The following NCAPG2 variants were observed in gnomAD, a reference collection of about 807,000 sequenced individuals.
NCAPG2 encodes condensin-2 complex subunit G2.
In NCAPG2, 53 loss-of-function variants were observed where a neutral mutation model predicts 141.1. The observed-to-expected ratio is 0.38, with a 90% CI of 0.30 to 0.47. NCAPG2 has a LOEUF of 0.47. Ranked by LOEUF, NCAPG2 falls within the 20% of genes least tolerant of loss-of-function variation. The pLI is 0.99. For synonymous variants in NCAPG2, 499 were observed against 490.7 expected (o/e 1.02, Z -0.22); for missense variants, 1,087 against 1,389.0 (o/e 0.78, Z 3.46).
chr7:158,675,381 T>C (rs1833989198), intron 12 of NCAPG2, 96 bp downstream of exon 12: 22 of 1,224,740 alleles, frequency 1.8e-5, no homozygotes, highest in Non-Finnish European at 2.2e-5. Flanking sequence ...CTTTGTGGAG[T>C]AGGATTACAG....
chr7:158,652,987 A>G (rs929271113), intron 22 of NCAPG2, among the ~76,000 whole-genome samples: 6 of 152,266 alleles, frequency 3.9e-5, no homozygotes, highest in African/African-American at 1.2e-4. Context: ...CTAAATGATA[A>G]GTGAAGTTTA....
chr7:158,682,994 C>CCAT (rs906971653), intron 9 of NCAPG2, among the ~76,000 whole-genome samples: 1 of 151,728 alleles, frequency 6.6e-6, no homozygotes, highest in Non-Finnish European at 1.5e-5. Flanking sequence ...TTTCAAATAC[C>CCAT]CTCTAGGATC....
intron 17 of NCAPG2, among the ~76,000 whole-genome samples, chr7:158,657,558 G>A (rs1162512963): frequency 1.3e-5 from 2 of 152,188 alleles, no homozygotes; most frequent in Non-Finnish European, 2.9e-5. Context: ...CCGGCCAGCC[G>A]CCCCGTCCGG....
intron 13 of NCAPG2, chr7:158,667,099 C>G (rs1386036469): frequency 6.0e-5 from 59 of 977,872 alleles, no homozygotes; most frequent in Non-Finnish European, 6.8e-5. Context: ...GTAACCTTAA[C>G]TTTCAAGGGA....
chr7:158,655,455 C>T lies in NCAPG2; in HGVS notation c.2389G>A (p.Ala797Thr). Residue 797 changes from alanine (A) to threonine (T), a missense_variant and splice_region_variant, in exon 20 of 28, where the codon GCA becomes ACA. Transcript: ENST00000356309. ...GTCTGCAGAAGTGACTCCAGATCTG[C>T]CTGTAATAGAAAAAACCCAAGGGCC... Reference protein sequence around the residue: ...HLLKALETSKADLESLLQTPG... With the variant: ...HLLKALETSKTDLESLLQTPG... 1 of 1,613,668 alleles carries T rather than the reference C, an allele frequency of 6.2e-7. No individual in the cohort carries two copies. The highest frequency in any genetic ancestry group is 8.5e-7 in the Non-Finnish European group (1 of 1,179,750).
intron 27 of NCAPG2, among the ~76,000 whole-genome samples, chr7:158,642,377 A>G (rs1389569595): frequency 1.3e-5 from 2 of 152,208 alleles, no homozygotes; most frequent in South Asian, 2.1e-4. Context: ...CTCTGCAAAA[A>G]AATTTTTTTC....
In NCAPG2 at chr7:158,664,681, G is replaced by T. The variant is rs768622809; in HGVS notation, c.1549C>A (p.Arg517Ser). 1 of 1,614,132 alleles carries T rather than the reference G, an allele frequency of 6.2e-7. No homozygotes were observed. Among genetic ancestry groups the T allele is most frequent in the Non-Finnish European group, 8.5e-7 (1 of 1,180,030 alleles). ...GAATTAAAGATGAGGCTCACCAGGC[G>T]CCGAGACACAGGTCGAGAATCAGTT... ...LETDSRPVSR[R>S]LVSLIFNSFL... Residue 517 changes from arginine (R) to serine (S), a missense_variant, in exon 14 of 28, where the codon CGC (arginine) becomes AGC (serine). Transcript: ENST00000356309.
chr7:158,635,403 A>G (rs1428223259), intron 27 of NCAPG2, among the ~76,000 whole-genome samples: 2 of 152,208 alleles, frequency 1.3e-5, no homozygotes, highest in East Asian at 3.8e-4. Context: ...TTATTTTACT[A>G]TTAACGTTGC....
At chr7:158,639,541 A>C (rs912634717) in intron 27 of NCAPG2, among the ~76,000 whole-genome samples, 6 of 152,222 alleles carry the variant, frequency 3.9e-5, no homozygotes, top group Admixed American at 1.3e-4. Flanking sequence ...TTTGTTAATA[A>C]ATTTAAAAAT....
At position 158,679,961 on chromosome 7, in the gene NCAPG2, T is replaced by C. The variant is rs1044019428; in HGVS notation, c.1145A>G (p.Tyr382Cys). The C allele has an allele frequency of 1.2e-5, 20 of 1,613,924 alleles. No individual in the cohort carries two copies. Among genetic ancestry groups the C allele is most frequent in the Non-Finnish European group, 1.6e-5 (19 of 1,179,956 alleles). ...AGCTTGACCACCTGAAGTACGTACA[T>C]AGAGCTCTTCAAACTGTTTCTGGAT... Reference protein sequence around the residue: ...SEIQKQFEELYSLLEDPYPMV... With the variant: ...SEIQKQFEELCSLLEDPYPMV... The change falls in exon 11 of 28, where the codon TAT (tyrosine) becomes TGT (cysteine). Residue 382 changes from tyrosine (Y) to cysteine (C), a missense_variant and splice_region_variant. Coordinates refer to ENST00000356309, the MANE Select transcript of NCAPG2 (RefSeq NM_017760.7).
In NCAPG2 at chr7:158,660,567, C is replaced by G. The variant is rs148512403; in HGVS notation, c.1989+1627G>C. Among the ~76,000 whole-genome samples the G allele has an allele frequency of 1.2e-3, 185 of 152,018 alleles. 1 individual carries two copies. The highest frequency in any genetic ancestry group is 4.3e-3 in the African/African-American group (177 of 41,478). On this transcript the variant is annotated intron_variant, in intron 16 of 27. Transcript: ENST00000356309. ...CATAGCTGGGACCAAAAGGCACAGG[C>G]CATCAAGCCCAGCTAATTTTTTAAA... is the stretch of plus-strand genomic sequence containing the variant.
chr7:158,672,313 TATATATATATATATA>T (rs1192231758), intron 12 of NCAPG2, among the ~76,000 whole-genome samples: 34 of 43,276 alleles, frequency 7.9e-4, no homozygotes, highest in African/African-American at 1.9e-3. Flanking sequence ...TATATATATA[TATATATATATATATA>T]TTTTTTTTTT....
chr7:158,655,742 G>GCCCTGCACGCAGCACCACCCGTCACCTC (rs1405727341), intron 19 of NCAPG2, among the ~76,000 whole-genome samples: 1 of 151,832 alleles, frequency 6.6e-6, no homozygotes, highest in Non-Finnish European at 1.5e-5. Context: ...CTCCCCATCT[G>GCCCTGCACGCAGCACCACCCGTCACCTC]CCTGGCTCCA....
At chr7:158,649,567 A>G (rs1831324045) in intron 24 of NCAPG2, among the ~76,000 whole-genome samples, 1 of 152,166 alleles carries the variant, frequency 6.6e-6, no homozygotes, top group South Asian at 2.1e-4. Context: ...GAATAAACAA[A>G]TCCTAGTTTT....
chr7:158,667,229 G>T (rs1481417997), intron 13 of NCAPG2: 1 of 985,240 alleles, frequency 1.0e-6, no homozygotes, highest in East Asian at 1.1e-4. Context: ...CCTCTGCTCT[G>T]GCGCCCAAAC....
At chr7:158,666,946 C>T (rs1469992080) in intron 13 of NCAPG2, among the ~76,000 whole-genome samples, 3 of 152,130 alleles carry the variant, frequency 2.0e-5, no homozygotes, top group Non-Finnish European at 4.4e-5. Flanking sequence ...TGGGCCAGCA[C>T]ACCCATTACT....
At chr7:158,670,208 TA>T (rs1296956510) in intron 13 of NCAPG2, among the ~76,000 whole-genome samples, 4 of 152,142 alleles carry the variant, frequency 2.6e-5, no homozygotes, top group Admixed American at 2.6e-4. Flanking sequence ...TCTTCTAATA[TA>T]AAAAAATTCA....
At chr7:158,693,556 C>G in intron 2 of NCAPG2, 59 bp from the exon 3 acceptor site, 1 of 1,420,820 alleles carries the variant, frequency 7.0e-7, no homozygotes. Flanking sequence ...ATATCCTTTT[C>G]ATAATGTCAT....
chr7:158,666,625 G>A (rs1053054085), intron 13 of NCAPG2, among the ~76,000 whole-genome samples: 4 of 151,620 alleles, frequency 2.6e-5, no homozygotes, highest in African/African-American at 7.3e-5. Context: ...CACTGCTGAA[G>A]AAATAGAAGT....
Sources: gnomAD v4.1 joint callset for allele counts (sites outside exome capture counted in the v4.1 genomes callset) on GRCh38, gnomAD v4.1.1 for gene constraint, MANE v1.5 for transcripts, NCBI Gene and HGNC (gene_info 2026-07-23, HGNC 2026-07-21) for gene names.